Variants in PPP1R9A observed in about 807,000 individuals in gnomAD.
The protein encoded by PPP1R9A is neurabin-1.
PPP1R9A carries 59 observed loss-of-function variants against 141.9 expected under a neutral mutation model. The observed-to-expected ratio is 0.42, with a 90% CI of 0.34 to 0.52. The LOEUF (loss-of-function observed/expected upper bound fraction) is 0.52, where lower values mean the gene tolerates loss of function less well. PPP1R9A is among the 20% of genes least tolerant of loss of function. PPP1R9A has a pLI of 0.10. For synonymous variants in PPP1R9A, 500 were observed against 569.7 expected (o/e 0.88, Z 1.74); for missense variants, 1,444 against 1,611.9 (o/e 0.90, Z 1.78).
chr7:95,133,156 T>C lies in PPP1R9A; in HGVS notation c.1649+12324T>C, dbSNP rs564929462. Among the ~76,000 whole-genome samples, 378 of 152,232 alleles carry C rather than the reference T, an allele frequency of 2.5e-3. 2 individuals carry two copies. Among genetic ancestry groups the C allele is most frequent in the African/African-American group, 8.5e-3 (355 of 41,548 alleles). Reference sequence around the variant, plus strand: ...GGCTGAGTCCAGGATTTTTATGGGCTAATAATAGGAAAGTGCATGCTGATT... The same window carrying C: ...GGCTGAGTCCAGGATTTTTATGGGCCAATAATAGGAAAGTGCATGCTGATT... On this transcript the variant is annotated intron_variant, in intron 4 of 19. Transcript: ENST00000433360.
Position 95,293,163 on chromosome 7 carries a change from C to T in PPP1R9A, c.*2860C>T, listed in dbSNP as rs1427616822. 1.3e-5 allele frequency: 2 copies of T among 152,118 alleles called. No individual in the cohort carries two copies. Among genetic ancestry groups the T allele is most frequent in the African/African-American group, 4.8e-5 (2 of 41,404 alleles). 9.4% of individuals were successfully genotyped at this position (152,118 alleles called of 1,614,324 possible). On this transcript the variant is annotated 3_prime_UTR_variant, in exon 20 of 20. Transcript: ENST00000433360. ...TGTGGTGAGGAGGCCAAGCTGCAGA[C>T]AGAAAGCATTGTATGAGCTGTATCT...
At chr7:95,166,163 AAAAG>A (rs1389469508) in intron 5 of PPP1R9A, among the ~76,000 whole-genome samples, 3 of 151,574 alleles carry the variant, frequency 2.0e-5, no homozygotes, top group East Asian at 1.9e-4. Context: ...AAAAAAAAAA[AAAAG>A]AAAGAAAATT....
At chr7:94,946,982 C>T (rs1041859592) in intron 2 of PPP1R9A, among the ~76,000 whole-genome samples, 1 of 152,074 alleles carries the variant, frequency 6.6e-6, no homozygotes, top group Non-Finnish European at 1.5e-5. Flanking sequence ...ATTTTGCATT[C>T]TATTATTTGT....
At chr7:95,237,498 AT>A (rs1224589787) in intron 8 of PPP1R9A, among the ~76,000 whole-genome samples, 4 of 151,942 alleles carry the variant, frequency 2.6e-5, no homozygotes, top group African/African-American at 7.2e-5. Flanking sequence ...GCCCAGCCAT[AT>A]TTTTTTATAT....
At chr7:95,224,205 A>G (rs181860973) in intron 7 of PPP1R9A, among the ~76,000 whole-genome samples, 1 of 152,216 alleles carries the variant, frequency 6.6e-6, no homozygotes, top group Non-Finnish European at 1.5e-5. Flanking sequence ...AGTTCCAGGT[A>G]CTCAGGAGAT....
intron 5 of PPP1R9A, among the ~76,000 whole-genome samples, chr7:95,183,001 G>A (rs1267449088): frequency 1.3e-5 from 2 of 152,070 alleles, no homozygotes; most frequent in Admixed American, 6.5e-5. Context: ...TTCCTGGAAG[G>A]GATGTAGTAT....
At chr7:95,169,374 A>C (rs574640991) in intron 5 of PPP1R9A, among the ~76,000 whole-genome samples, 1 of 152,068 alleles carries the variant, frequency 6.6e-6, no homozygotes, top group African/African-American at 2.4e-5. Flanking sequence ...GATAGTTACC[A>C]GAGGCTGGGA....
chr7:95,163,568 T>A (rs1830738839), intron 5 of PPP1R9A, among the ~76,000 whole-genome samples: 1 of 152,202 alleles, frequency 6.6e-6, no homozygotes, highest in Non-Finnish European at 1.5e-5. Flanking sequence ...GCCTCCCTAA[T>A]GTGAAAATTC....
intron 2 of PPP1R9A, among the ~76,000 whole-genome samples, chr7:94,999,135 G>T (rs559376734): frequency 1.3e-5 from 2 of 152,282 alleles, no homozygotes; most frequent in African/African-American, 4.8e-5. Flanking sequence ...ATATTGTGAT[G>T]AATGATGTAC....
At position 94,910,432 on chromosome 7, in the gene PPP1R9A, G is replaced by GA; in HGVS notation, c.325dup (p.Thr109AsnfsTer7). The GA allele has an allele frequency of 6.2e-7, 1 of 1,614,138 alleles. No homozygotes were observed. The highest frequency in any genetic ancestry group is 8.5e-7 in the Non-Finnish European group (1 of 1,180,020). On this transcript the variant is annotated frameshift_variant, in exon 2 of 20. Transcript: ENST00000433360. LOFTEE classifies it high-confidence loss of function. This position sits in a 1 kb window ranked among gnomAD's most constrained non-coding sequence, Gnocchi z 4.5. ...AAGAATGAAGCCCAAAGAATTTCTG[G>GA]AAAAAACAGATGGCTCAGTTGTTAA...
intron 2 of PPP1R9A, among the ~76,000 whole-genome samples, chr7:94,925,145 T>C (rs1793311537): frequency 6.6e-6 from 1 of 152,088 alleles, no homozygotes; most frequent in Admixed American, 6.6e-5. Flanking sequence ...GTTGGCAGGC[T>C]AGAGATTCAG....
At chr7:95,034,799 A>G (rs868105263) in intron 2 of PPP1R9A, among the ~76,000 whole-genome samples, 1 of 152,190 alleles carries the variant, frequency 6.6e-6, no homozygotes. Context: ...ACTTGATTTT[A>G]TAGTGTTAAT....
chr7:95,226,366 G>A (rs887998940), intron 8 of PPP1R9A, among the ~76,000 whole-genome samples: 3 of 152,098 alleles, frequency 2.0e-5, no homozygotes, highest in African/African-American at 7.2e-5. Context: ...TAAATGTGCA[G>A]TTTTATGATG....
chr7:94,911,433 G>A lies in PPP1R9A; in HGVS notation c.1320G>A (p.Ser440=), dbSNP rs765603253. 1.5e-5 allele frequency: 25 copies of A among 1,613,676 alleles called. No individual in the cohort carries two copies. Among genetic ancestry groups the A allele is most frequent in the South Asian group, 9.9e-5 (9 of 91,080 alleles). ...NSYYQPDMEY[S]EIVGLPEEEE... Reference sequence around the variant, plus strand: ...ACTATCAGCCTGATATGGAGTACTCGGAAATTGTTGGATTGCCAGAAGAAG... The same window carrying A: ...ACTATCAGCCTGATATGGAGTACTCAGAAATTGTTGGATTGCCAGAAGAAG... The change falls in exon 2 of 20, where the codon TCG becomes TCA. Residue 440 remains serine, a synonymous_variant. Transcript: ENST00000433360.
chr7:94,941,463 G>A (rs760309943), intron 2 of PPP1R9A, among the ~76,000 whole-genome samples: 20 of 152,098 alleles, frequency 1.3e-4, no homozygotes, highest in Non-Finnish European at 2.4e-4. Context: ...GTGATGGTAT[G>A]ATTCATTGAT....
Position 95,079,487 on chromosome 7 carries a change from C to T in PPP1R9A, c.1396-31772C>T, listed in dbSNP as rs542919007. On this transcript the variant is annotated intron_variant, in intron 2 of 19. Transcript: ENST00000433360. ...AAAAGAGTCCAGGACCAGATGGATT[C>T]ACAGCCGAATTCTACCAGAGGTACA... Among the ~76,000 whole-genome samples, 6 of 152,040 alleles carry T rather than the reference C, an allele frequency of 3.9e-5. No homozygotes were observed. The South Asian group carries it at 1.3e-3, about 32-fold the overall frequency.
At chr7:95,272,723 T>C (rs2153053759) in intron 14 of PPP1R9A, among the ~76,000 whole-genome samples, 1 of 152,316 alleles carries the variant, frequency 6.6e-6, no homozygotes, top group African/African-American at 2.4e-5. Flanking sequence ...TGTATGTCGA[T>C]GTGTGTTGAG....
intron 16 of PPP1R9A, among the ~76,000 whole-genome samples, chr7:95,279,415 T>C (rs1803754764): frequency 6.6e-6 from 1 of 152,200 alleles, no homozygotes; most frequent in African/African-American, 2.4e-5. Context: ...CCTGGCCCAG[T>C]GAATGTAGTC....
At chr7:95,265,468 A>C (rs542225934) in intron 12 of PPP1R9A, among the ~76,000 whole-genome samples, 1 of 152,228 alleles carries the variant, frequency 6.6e-6, no homozygotes, top group African/African-American at 2.4e-5. Flanking sequence ...TTTGTATTAC[A>C]TGATGGAAAA....
Sources: gnomAD v4.1 joint callset for allele counts (sites outside exome capture counted in the v4.1 genomes callset) on GRCh38, gnomAD v4.1.1 for gene constraint, Gnocchi (gnomAD v3.1) non-coding constraint, MANE v1.5 for transcripts, NCBI Gene and HGNC (gene_info 2026-07-23, HGNC 2026-07-21) for gene names.